The following ABLIM1 variants were observed in gnomAD, a reference collection of about 807,000 sequenced individuals.
ABLIM1 encodes actin-binding LIM protein 1.
Under a neutral mutation model 107.0 loss-of-function variants are expected in ABLIM1, and 40 were observed. The observed-to-expected ratio is 0.37, with a 90% CI of 0.29 to 0.49. ABLIM1 has a LOEUF of 0.49. ABLIM1 is among the 20% of genes least tolerant of loss of function. The probability of loss-of-function intolerance (pLI) is 0.97; values close to 1 mark genes in which losing one functional copy is unlikely to be tolerated. For synonymous variants in ABLIM1, 357 were observed against 357.3 expected (o/e 1.00, Z 0.01); for missense variants, 857 against 1,008.5 (o/e 0.85, Z 2.04).
the ABLIM1 span, among the ~76,000 whole-genome samples, chr10:114,794,335 C>T: frequency 1.3e-5 from 2 of 152,252 alleles, no homozygotes; most frequent in South Asian, 4.2e-4. Context: ...ATGCAAGTGC[C>T]ATGAAAACAT....
the ABLIM1 span, among the ~76,000 whole-genome samples, chr10:114,793,274 G>A: frequency 6.7e-6 from 1 of 150,034 alleles, no homozygotes; most frequent in African/African-American, 2.5e-5. Flanking sequence ...TCTTGGTGCT[G>A]TCCTTGTGAT....
chr10:114,448,089 TTACA>T, intron 14 of ABLIM1, 69 bp from the exon 15 acceptor site: 1 of 1,585,638 alleles, frequency 6.3e-7, no homozygotes, highest in South Asian at 1.1e-5. Context: ...ACAACCCCAC[TTACA>T]TAGTTTTCTT....
At chr10:114,724,178 T>C (rs144886022) in intron 1 of ABLIM1, among the ~76,000 whole-genome samples, 315 of 152,322 alleles carry the variant, frequency 2.1e-3, no homozygotes, top group African/African-American at 7.0e-3. Flanking sequence ...TTCATTATTA[T>C]TGTGCAACAG....
At chr10:114,437,785 G>A (rs1168800159) in intron 22 of ABLIM1, 59 bp downstream of exon 22, 7 of 1,383,292 alleles carry the variant, frequency 5.1e-6, no homozygotes, top group Non-Finnish European at 6.1e-6. Context: ...GCTTAGGGGA[G>A]AGTTGGGGGA....
At chr10:114,541,282 A>G (rs2066626039) in intron 6 of ABLIM1, among the ~76,000 whole-genome samples, 1 of 152,144 alleles carries the variant, frequency 6.6e-6, no homozygotes, top group East Asian at 1.9e-4. Context: ...AAGAACCTCA[A>G]GAACTGTTTA....
intron 1 of ABLIM1, among the ~76,000 whole-genome samples, chr10:114,615,368 G>C (rs908913301): frequency 3.3e-5 from 5 of 152,066 alleles, no homozygotes; most frequent in Non-Finnish European, 1.5e-5. Context: ...TGCGAGCCCA[G>C]CTCCCTCTCC....
At chr10:114,798,604 T>C in the ABLIM1 span, among the ~76,000 whole-genome samples, 2 of 143,924 alleles carry the variant, frequency 1.4e-5, no homozygotes, top group African/African-American at 2.5e-5. Flanking sequence ...TAGCCAGGCA[T>C]GGTGGTGCAC....
intron 1 of ABLIM1, among the ~76,000 whole-genome samples, chr10:114,676,081 A>G (rs1407345540): frequency 1.3e-5 from 2 of 152,226 alleles, no homozygotes; most frequent in Non-Finnish European, 2.9e-5. Context: ...GTCCTTTGTG[A>G]GGACACAATT....
chr10:114,542,404 T>A, intron 6 of ABLIM1, among the ~76,000 whole-genome samples: 1 of 121,930 alleles, frequency 8.2e-6, no homozygotes. Flanking sequence ...AGCAAAACCT[T>A]GTCTCTAAAA....
intron 1 of ABLIM1, among the ~76,000 whole-genome samples, chr10:114,610,234 G>A (rs1178011557): frequency 5.3e-5 from 8 of 152,218 alleles, no homozygotes; most frequent in Admixed American, 5.2e-4. Context: ...GTCAGGGTGA[G>A]ATAGCAAGGA....
chr10:114,475,901 T>C (rs1244599479), intron 8 of ABLIM1, among the ~76,000 whole-genome samples: 2 of 152,206 alleles, frequency 1.3e-5, no homozygotes, highest in Non-Finnish European at 2.9e-5. Flanking sequence ...GAGTAACTTA[T>C]AGTTCTACAA....
At chr10:114,570,681 C>T (rs2138752893) in intron 4 of ABLIM1, among the ~76,000 whole-genome samples, 1 of 143,950 alleles carries the variant, frequency 6.9e-6, no homozygotes, top group African/African-American at 2.5e-5. Flanking sequence ...CAGCTCACTG[C>T]AACCTCAACC....
intron 6 of ABLIM1, among the ~76,000 whole-genome samples, chr10:114,499,781 G>T (rs1452984792): frequency 3.9e-5 from 6 of 152,174 alleles, no homozygotes; most frequent in African/African-American, 1.4e-4. Context: ...GTGCATGGGC[G>T]GAAGGGAGAG....
chr10:114,619,386 G>A lies in ABLIM1; in HGVS notation c.245-17425C>T, dbSNP rs1274859935. On this transcript the variant is annotated intron_variant, in intron 1 of 22. Coordinates refer to ENST00000533213, the MANE Select transcript of ABLIM1 (RefSeq NM_002313.7). This position sits in a 1 kb window ranked among gnomAD's most constrained non-coding sequence, Gnocchi z 4.1. The stretch of plus-strand genomic sequence containing the variant: ...TAATTTTTTTATTTTTAGTAGAGAC[G>A]AGGTTTCACTATGTTGCCCAGGCTG... Among the ~76,000 whole-genome samples, 2 of 151,824 alleles carry A rather than the reference G, an allele frequency of 1.3e-5. No homozygotes were observed. The highest frequency in any genetic ancestry group is 2.9e-5 in the Non-Finnish European group (2 of 67,964).
chr10:114,689,936 T>C (rs1018409340), upstream of ABLIM1, among the ~76,000 whole-genome samples: 1 of 152,206 alleles, frequency 6.6e-6, no homozygotes, highest in Non-Finnish European at 1.5e-5. Flanking sequence ...TAACTTTTTA[T>C]AGTTATTTAG....
chr10:114,532,908 C>T (rs754810385), intron 6 of ABLIM1, among the ~76,000 whole-genome samples: 5 of 152,136 alleles, frequency 3.3e-5, no homozygotes, highest in South Asian at 2.1e-4. Context: ...TCTCCACCAC[C>T]GTCAGCTAGG....
chr10:114,632,587 C>T, intron 1 of ABLIM1: 1 of 985,364 alleles, frequency 1.0e-6, no homozygotes, highest in Non-Finnish European at 1.2e-6. Flanking sequence ...CTGCTCCCCG[C>T]TATAATTTAC....
upstream of ABLIM1, among the ~76,000 whole-genome samples, chr10:114,772,967 G>T (rs2083041665): frequency 6.6e-6 from 1 of 151,920 alleles, no homozygotes; most frequent in African/African-American, 2.4e-5. Context: ...AGATAAAACA[G>T]ACAAACAGAA....
intron 1 of ABLIM1, among the ~76,000 whole-genome samples, chr10:114,605,291 T>G (rs963095435): frequency 6.6e-6 from 1 of 152,214 alleles, no homozygotes; most frequent in African/African-American, 2.4e-5. Context: ...TGTTACCACA[T>G]GTATGTTTGT....
Sources: gnomAD v4.1 joint callset for allele counts (sites outside exome capture counted in the v4.1 genomes callset) on GRCh38, gnomAD v4.1.1 for gene constraint, Gnocchi (gnomAD v3.1) non-coding constraint, MANE v1.5 for transcripts, NCBI Gene and HGNC (gene_info 2026-07-23, HGNC 2026-07-21) for gene names.